The following TTC28 variants were observed in gnomAD, a reference collection of about 807,000 sequenced individuals.
TTC28 encodes tetratricopeptide repeat domain 28, also known as tetratricopeptide repeat protein 28.
TTC28 carries 61 observed loss-of-function variants against 198.0 expected under a neutral mutation model. That is an observed-to-expected ratio of 0.31 (90% CI 0.25 to 0.38). The LOEUF (loss-of-function observed/expected upper bound fraction) is 0.38, where lower values mean the gene tolerates loss of function less well. Among genes scored for constraint, TTC28 ranks in the 10% least tolerant of loss-of-function variants. TTC28 has a pLI of 1.00. For missense variants in TTC28, 2,678 were observed against 3,164.0 expected, an observed-to-expected ratio of 0.85 and a Z score of 3.69; for synonymous variants, 1,171 against 1,297.8, an observed-to-expected ratio of 0.90 and a Z score of 2.10.
intron 5 of TTC28, among the ~76,000 whole-genome samples, chr22:28,220,014 T>C (rs1186801705): frequency 6.6e-6 from 1 of 152,220 alleles, no homozygotes; most frequent in Non-Finnish European, 1.5e-5. Flanking sequence ...TTCCAGAGTT[T>C]TCCTACTGCA....
chr22:28,205,993 C>CA (rs578027021), intron 5 of TTC28, among the ~76,000 whole-genome samples: 22,723 of 129,050 alleles, frequency 0.18, 1,845 homozygotes, highest in Admixed American at 0.24. Context: ...CATGGGGTGT[C>CA]AAAAAAAAAA....
At chr22:28,486,734 C>T (rs913735263) in intron 2 of TTC28, among the ~76,000 whole-genome samples, 2 of 152,124 alleles carry the variant, frequency 1.3e-5, no homozygotes, top group Non-Finnish European at 2.9e-5. Flanking sequence ...GACTTTTCCA[C>T]TTCCTCGTTA....
At chr22:28,064,774 A>G (rs1940688105) in intron 12 of TTC28, among the ~76,000 whole-genome samples, 1 of 152,172 alleles carries the variant, frequency 6.6e-6, no homozygotes, top group Admixed American at 6.5e-5. Context: ...GGAGACAGAC[A>G]TATCAAATGA....
chr22:28,147,419 G>A (rs777837150), intron 6 of TTC28, among the ~76,000 whole-genome samples: 2 of 152,152 alleles, frequency 1.3e-5, no homozygotes, highest in African/African-American at 2.4e-5. Flanking sequence ...ATGAGTGAAC[G>A]AGGATGAAAA....
intron 2 of TTC28, among the ~76,000 whole-genome samples, chr22:28,478,404 G>A (rs976057960): frequency 6.6e-6 from 1 of 152,114 alleles, no homozygotes; most frequent in African/African-American, 2.4e-5. Context: ...AGCTACTCGG[G>A]AGGCTGAGGA....
chr22:28,595,449 C>T (rs923392773), intron 2 of TTC28, among the ~76,000 whole-genome samples: 1 of 152,042 alleles, frequency 6.6e-6, no homozygotes, highest in Non-Finnish European at 1.5e-5. Context: ...TTTGTGACCC[C>T]GTAGCATTTT....
rs999465721 is a variant in TTC28, at chr22:28,167,474, C to T, written c.934-3875G>A. 2.6e-5 allele frequency among the ~76,000 whole-genome samples: 4 copies of T among 152,302 alleles called. No homozygotes were observed. The East Asian group carries it at 5.8e-4, about 22-fold the overall frequency. On this transcript the variant is annotated intron_variant, in intron 5 of 22. Coordinates refer to ENST00000397906, the MANE Select transcript of TTC28 (RefSeq NM_001145418.2). ...AGCATATCAAAAAGCTTATACACCA[C>T]GATCACGTGGACTTCATCTCTGCGA...
intron 5 of TTC28, among the ~76,000 whole-genome samples, chr22:28,254,647 C>G (rs56251418): frequency 0.015 from 2,283 of 152,134 alleles, 59 homozygotes; most frequent in African/African-American, 0.052. Flanking sequence ...TGGACTCCCT[C>G]CCACTAAAAC....
In TTC28 at chr22:28,442,715, T is replaced by A. The variant is rs114184797; in HGVS notation, c.382-136072A>T. ...AAAGGGCAGTGGATGCAGACCAGAT[T>A]TGGTAACTCGTCCCTAAGGGACTGA... On this transcript the variant is annotated intron_variant, in intron 2 of 22. Transcript: ENST00000397906. Among the ~76,000 whole-genome samples, 453 of 152,294 alleles carry A rather than the reference T, an allele frequency of 3.0e-3. 4 individuals are homozygous for A. Among genetic ancestry groups the A allele is most frequent in the African/African-American group, 9.3e-3 (385 of 41,564 alleles).
intron 2 of TTC28, among the ~76,000 whole-genome samples, chr22:28,420,724 C>G (rs905046182): frequency 6.6e-6 from 1 of 151,928 alleles, no homozygotes; most frequent in Admixed American, 6.6e-5. Context: ...CTCTGCCTCC[C>G]GAGTAGCAGG....
intron 13 of TTC28, among the ~76,000 whole-genome samples, chr22:28,017,617 G>T (rs1410004869): frequency 6.6e-6 from 1 of 152,202 alleles, no homozygotes; most frequent in Non-Finnish European, 1.5e-5. Flanking sequence ...ACAGAGGGCT[G>T]GGGATGCAGG....
intron 2 of TTC28, among the ~76,000 whole-genome samples, chr22:28,405,725 G>C (rs2046988857): frequency 1.3e-5 from 2 of 152,292 alleles, no homozygotes; most frequent in South Asian, 2.1e-4. Context: ...ACTAAAGACT[G>C]GCTGAAACAG....
At chr22:28,502,699 T>C (rs116681475) in intron 2 of TTC28, among the ~76,000 whole-genome samples, 3,001 of 152,022 alleles carry the variant, frequency 0.02, 30 homozygotes, top group Non-Finnish European at 0.027. Flanking sequence ...GAAGTCCTTC[T>C]AAAGAGCTTT....
chr22:28,199,169 C>A (rs1050453253), intron 5 of TTC28, among the ~76,000 whole-genome samples: 2 of 151,396 alleles, frequency 1.3e-5, no homozygotes, highest in African/African-American at 4.9e-5. Context: ...GGAACATGTA[C>A]AAAGATATTT....
At chr22:28,499,495 T>C (rs2048505562) in intron 2 of TTC28, among the ~76,000 whole-genome samples, 2 of 152,212 alleles carry the variant, frequency 1.3e-5, no homozygotes, top group South Asian at 2.1e-4. Context: ...ACTATTTCTA[T>C]TACAATAAGA....
intron 2 of TTC28, among the ~76,000 whole-genome samples, chr22:28,474,032 A>G (rs557054031): frequency 6.6e-6 from 1 of 152,332 alleles, no homozygotes; most frequent in East Asian, 1.9e-4. Context: ...AACTAATACA[A>G]TTCTATTAAT....
intron 2 of TTC28, among the ~76,000 whole-genome samples, chr22:28,397,575 G>A (rs1256765326): frequency 6.6e-6 from 1 of 152,194 alleles, no homozygotes; most frequent in Non-Finnish European, 1.5e-5. Context: ...GGATGCTTCT[G>A]ATAGACATCA....
At chr22:28,015,854 C>A (rs1938350978) in intron 13 of TTC28, among the ~76,000 whole-genome samples, 1 of 151,760 alleles carries the variant, frequency 6.6e-6, no homozygotes, top group Admixed American at 6.6e-5. Flanking sequence ...AGTAGGTACT[C>A]TGGCTACTGG....
At chr22:28,474,285 G>C (rs1262694786) in intron 2 of TTC28, among the ~76,000 whole-genome samples, 2 of 152,124 alleles carry the variant, frequency 1.3e-5, no homozygotes, top group Non-Finnish European at 2.9e-5. Context: ...AAGCCAGTAA[G>C]GAAAGCTGAG....
Sources: gnomAD v4.1 joint callset for allele counts (sites outside exome capture counted in the v4.1 genomes callset) on GRCh38, gnomAD v4.1.1 for gene constraint, MANE v1.5 for transcripts, NCBI Gene and HGNC (gene_info 2026-07-23, HGNC 2026-07-21) for gene names.